Variants in UMPS observed in about 807,000 individuals in gnomAD.
The protein encoded by UMPS is uridine 5'-monophosphate synthase.
In UMPS, 21 loss-of-function variants were observed where a neutral mutation model predicts 38.9. The observed-to-expected ratio is 0.54, with a 90% CI of 0.38 to 0.78. The LOEUF is 0.78. UMPS is among the 30% of genes least tolerant of loss of function. The pLI is 0.00. For missense variants in UMPS, 533 were observed against 591.6 expected (o/e 0.90, Z 1.03); for synonymous variants, 208 against 219.3 (o/e 0.95, Z 0.45).
chr3:124,740,059 G>A lies in UMPS; in HGVS notation c.1018G>A (p.Val340Ile), dbSNP rs1245426490. 6.2e-7 allele frequency: 1 copy of A among 1,614,174 alleles called. No homozygotes were observed. Residue 340 changes from valine (V) to isoleucine (I), a missense_variant, in exon 4 of 6, where the codon GTA becomes ATA. By Grantham distance (29) the Val-to-Ile change is conservative (BLOSUM62 3). Transcript: ENST00000232607. Reference sequence around the variant, plus strand: ...TAAAATAGCTTCCTGGGCAGATCTAGTAAATGCTCACGTGGTGCCAGGCTC... The same window carrying A: ...TAAAATAGCTTCCTGGGCAGATCTAATAAATGCTCACGTGGTGCCAGGCTC... ...IFKIASWADL[V>I]NAHVVPGSGV...
At chr3:124,736,771 C>T (rs993614343) in intron 2 of UMPS, among the ~76,000 whole-genome samples, 15 of 152,156 alleles carry the variant, frequency 9.9e-5, no homozygotes, top group Non-Finnish European at 1.3e-4. Flanking sequence ...GTTAAACTTA[C>T]CAGTTGTTCA....
chr3:124,735,338 A>G, intron 2 of UMPS, 92 bp downstream of exon 2: 1 of 1,168,048 alleles, frequency 8.6e-7, no homozygotes, highest in Non-Finnish European at 1.2e-6. Flanking sequence ...ATGTTTTACC[A>G]GTCATCTTGA....
At chr3:124,738,546 T>G (rs1298195776) in intron 3 of UMPS, 5 of 363,440 alleles carry the variant, frequency 1.4e-5, no homozygotes, top group Admixed American at 4.2e-5. Context: ...ACTGTGAGGT[T>G]GTTAACTCTG....
At chr3:124,733,256 GT>G (rs1424749890) in intron 1 of UMPS, among the ~76,000 whole-genome samples, 2 of 152,108 alleles carry the variant, frequency 1.3e-5, no homozygotes, top group African/African-American at 4.8e-5. Context: ...TTCCAAATCT[GT>G]TTTTATCTCT....
In UMPS at chr3:124,747,819, C is replaced by T. The variant is rs974360197; in HGVS notation, c.*3735C>T. 1.2e-4 allele frequency: 52 copies of T among 451,760 alleles called. No homozygotes were observed. The highest frequency in any genetic ancestry group is 1.0e-3 in the Admixed American group (43 of 42,524). 28.0% of individuals were successfully genotyped at this position (451,760 alleles called of 1,614,324 possible). ...TGGCTGCATCAGCGATCTCTCCCAG[C>T]GAAATAGCTGCTTGGTCTTGTGTGA... On this transcript the variant is annotated 3_prime_UTR_variant, in exon 6 of 6. Coordinates refer to ENST00000232607, the MANE Select transcript of UMPS (RefSeq NM_000373.4).
In UMPS at chr3:124,746,639, G is replaced by A. The variant is rs1184489686; in HGVS notation, c.*2555G>A. On this transcript the variant is annotated 3_prime_UTR_variant, in exon 6 of 6. Coordinates refer to ENST00000232607, the MANE Select transcript of UMPS (RefSeq NM_000373.4). Reference sequence around the variant, plus strand: ...ACTCCTGGTCTTAGTGGGGAATATAGGGACCCCATGTCTCCATGGGGTGCA... The same window carrying A: ...ACTCCTGGTCTTAGTGGGGAATATAAGGACCCCATGTCTCCATGGGGTGCA... 1 of 453,942 alleles carries A rather than the reference G, an allele frequency of 2.2e-6. No homozygotes were observed. The highest frequency in any genetic ancestry group is 2.0e-5 in the African/African-American group (1 of 49,976). The allele number at this position is 453,942 out of a possible 1,614,324, so 28.1% of individuals were successfully genotyped here.
rs1330723004 is a variant in UMPS at position 124,745,003 on chromosome 3, A to G, written c.*919A>G. On this transcript the variant is annotated 3_prime_UTR_variant, in exon 6 of 6. Coordinates refer to ENST00000232607, the MANE Select transcript of UMPS (RefSeq NM_000373.4). ...ACAACCGGAGTTGGGGTTTGGGCTCATTTTTTCCCCTAGCCAGCAATTATG... is the reference window on the plus strand; with the variant it reads ...ACAACCGGAGTTGGGGTTTGGGCTCGTTTTTTCCCCTAGCCAGCAATTATG... 1 of 453,968 alleles carries G rather than the reference A, an allele frequency of 2.2e-6. No individual in the cohort carries two copies. Among genetic ancestry groups the G allele is most frequent in the Admixed American group, 2.4e-5 (1 of 42,552 alleles). The allele number at this position is 453,968 out of a possible 1,614,324, so 28.1% of individuals were successfully genotyped here.
intron 4 of UMPS, among the ~76,000 whole-genome samples, chr3:124,741,327 G>T (rs540483157): frequency 4.6e-5 from 7 of 152,218 alleles, no homozygotes; most frequent in African/African-American, 1.7e-4. Context: ...GTGCAGTGGT[G>T]GTACTGAGTC....
intron 5 of UMPS, among the ~76,000 whole-genome samples, chr3:124,743,480 T>C (rs140942351): frequency 0.021 from 3,121 of 146,150 alleles, 126 homozygotes; most frequent in African/African-American, 0.074. Context: ...TACTAAAAAA[T>C]ACAAAAAATT....
Position 124,730,455 on chromosome 3 carries a change from A to G in UMPS, c.-17A>G. 6.2e-7 allele frequency: 1 copy of G among 1,613,906 alleles called. No homozygotes were observed. Among genetic ancestry groups the G allele is most frequent in the African/African-American group, 1.3e-5 (1 of 75,052 alleles). The stretch of plus-strand genomic sequence containing the variant: ...CGGGGCGCCTGGGAATTTGAAGCAA[A>G]CAGGCAGCGCGCGACAATGGCGGTC... On this transcript the variant is annotated 5_prime_UTR_variant, in exon 1 of 6. Transcript: ENST00000232607.
chr3:124,735,035 A>G, intron 1 of UMPS, 58 bp from the exon 2 acceptor site: 2 of 1,462,960 alleles, frequency 1.4e-6, no homozygotes, highest in Non-Finnish European at 1.8e-6. Context: ...AATAAAAAAT[A>G]TAAAATAAAA....
At position 124,749,240 on chromosome 3, in the gene UMPS, T is replaced by A; in HGVS notation, c.*5156T>A. 2.2e-6 allele frequency: 1 copy of A among 453,316 alleles called. No individual in the cohort carries two copies. Among genetic ancestry groups the A allele is most frequent in the South Asian group, 1.6e-5 (1 of 64,266 alleles). 28.1% of individuals were successfully genotyped at this position (453,316 alleles called of 1,614,324 possible). A position where few individuals can be genotyped will look rare whatever the true frequency, so the allele number is the denominator to read the frequency against. On this transcript the variant is annotated 3_prime_UTR_variant, in exon 6 of 6. Coordinates refer to ENST00000232607, the MANE Select transcript of UMPS (RefSeq NM_000373.4). ...AATATATACATAAAAATATGGGTTC[T>A]TTTCAACCTGAATAGATGGCCTAAA...
In UMPS at chr3:124,744,034, A is replaced by G. The variant is rs781541995; in HGVS notation, c.1393A>G (p.Met465Val). 7 of 1,614,238 alleles carry G rather than the reference A, an allele frequency of 4.3e-6. 1 individual carries two copies. In the East Asian group the frequency reaches 1.6e-4, roughly 36 times the overall value. Residue 465 changes from methionine (M) to valine (V), a missense_variant, in exon 6 of 6, where the codon ATG becomes GTG. Coordinates refer to ENST00000232607, the MANE Select transcript of UMPS (RefSeq NM_000373.4). Reference protein sequence around the residue: ...SAADRLEAAEMYRKAAWEAYL... With the variant: ...SAADRLEAAEVYRKAAWEAYL... ...AGCTGATCGTCTGGAAGCAGCAGAG[A>G]TGTACAGAAAAGCTGCTTGGGAAGC...
intron 5 of UMPS, 163 bp downstream of exon 5, chr3:124,742,429 A>G (rs17843843): frequency 0.018 from 11,260 of 636,388 alleles, 199 homozygotes; most frequent in East Asian, 0.061. Context: ...TGGACAAGTC[A>G]GTTTACTTCT....
rs1460408666 is a variant in UMPS at position 124,745,806 on chromosome 3, C to T, written c.*1722C>T. 2.2e-6 allele frequency: 1 copy of T among 453,914 alleles called. No homozygotes were observed. The highest frequency in any genetic ancestry group is 6.9e-5 in the East Asian group (1 of 14,392). The allele number at this position is 453,914 out of a possible 1,614,324, so 28.1% of individuals were successfully genotyped here. On this transcript the variant is annotated 3_prime_UTR_variant, in exon 6 of 6. Transcript: ENST00000232607. ...GTGTTGGAGTGATATGTTGAGAGGC[C>T]TTTGGAGTGATGTGCTGAGGTCTCA... is the stretch of plus-strand genomic sequence containing the variant.
chr3:124,734,200 G>A (rs1300714198), intron 1 of UMPS, among the ~76,000 whole-genome samples: 1 of 151,700 alleles, frequency 6.6e-6, no homozygotes, highest in Non-Finnish European at 1.5e-5. Context: ...TTACTCTTTA[G>A]AAGTACTGGT....
rs1314736995 is a variant in UMPS at position 124,743,969 on chromosome 3, G to T, written c.1328G>T (p.Gly443Val). 2.5e-6 allele frequency: 4 copies of T among 1,614,096 alleles called. No homozygotes were observed. Among genetic ancestry groups the T allele is most frequent in the Non-Finnish European group, 8.5e-7 (1 of 1,180,034 alleles). ...NSPQEVIGKR[G>V]SDIIIVGRGI... ...CCACAAGAAGTTATTGGCAAACGAG[G>T]TTCCGATATCATCATTGTAGGTCGT... The change falls in exon 6 of 6, where the codon GGT (glycine) becomes GTT (valine). Residue 443 changes from glycine (G) to valine (V), a missense_variant. Coordinates refer to ENST00000232607, the MANE Select transcript of UMPS (RefSeq NM_000373.4).
At chr3:124,738,990 ACTTTT>A (rs1294663416) in intron 3 of UMPS, among the ~76,000 whole-genome samples, 1 of 152,240 alleles carries the variant, frequency 6.6e-6, no homozygotes, top group African/African-American at 2.4e-5. Flanking sequence ...CTTTGAGGTA[ACTTTT>A]CTTTAATGTA....
Position 124,748,453 on chromosome 3 carries a change from A to C in UMPS, c.*4369A>C. 1 of 453,850 alleles carries C rather than the reference A, an allele frequency of 2.2e-6. No individual in the cohort carries two copies. The highest frequency in any genetic ancestry group is 1.6e-5 in the South Asian group (1 of 64,324). The allele number at this position is 453,850 out of a possible 1,614,324, so 28.1% of individuals were successfully genotyped here. A position where few individuals can be genotyped will look rare whatever the true frequency, so the allele number is the denominator to read the frequency against. On this transcript the variant is annotated 3_prime_UTR_variant, in exon 6 of 6. Transcript: ENST00000232607. ...TACAAAGAGAAACAAAATAATTAGA[A>C]TATTTTTTAACTTCTAAAGTTCAAG... is the stretch of plus-strand genomic sequence containing the variant.
Sources: gnomAD v4.1 joint callset for allele counts (sites outside exome capture counted in the v4.1 genomes callset) on GRCh38, gnomAD v4.1.1 for gene constraint, MANE v1.5 for transcripts, NCBI Gene and HGNC (gene_info 2026-07-23, HGNC 2026-07-21) for gene names.